The following MME variants were observed in gnomAD, a reference collection of about 807,000 sequenced individuals.
The protein encoded by MME is neprilysin.
MME carries 98 observed loss-of-function variants against 113.2 expected under a neutral mutation model. The observed-to-expected ratio is 0.87, with a 90% CI of 0.74 to 1.02. The LOEUF is 1.02. Ranked by LOEUF, MME falls within the 50% of genes least tolerant of loss-of-function variation. MME has a pLI of 0.00. For synonymous variants in MME, 292 were observed against 300.6 expected, an observed-to-expected ratio of 0.97 and a Z score of 0.30; for missense variants, 836 against 896.0, an observed-to-expected ratio of 0.93 and a Z score of 0.86.
intron 3 of MME, among the ~76,000 whole-genome samples, chr3:155,109,012 C>G (rs187094988): frequency 1.3e-5 from 2 of 152,274 alleles, no homozygotes; most frequent in Admixed American, 1.3e-4. Context: ...TTCACCATGT[C>G]TAATCGTGTC....
chr3:155,168,677 G>A, intron 19 of MME, 52 bp downstream of exon 19: 1 of 1,612,546 alleles, frequency 6.2e-7, no homozygotes, highest in Non-Finnish European at 8.5e-7. Flanking sequence ...AATCTTAAGT[G>A]TATTATTGGT....
intron 1 of MME, among the ~76,000 whole-genome samples, chr3:155,033,223 T>C (rs1287110341): frequency 1.3e-5 from 2 of 152,206 alleles, no homozygotes; most frequent in Non-Finnish European, 2.9e-5. Flanking sequence ...GCTCCAGGGC[T>C]TAACTTCCTC....
intron 8 of MME, among the ~76,000 whole-genome samples, chr3:155,132,854 G>C (rs993091319): frequency 6.6e-6 from 1 of 151,302 alleles, no homozygotes; most frequent in Admixed American, 6.6e-5. Context: ...AGGAGTTCAA[G>C]ACCAGCCTGA....
At chr3:155,137,070 A>G (rs1026096132) in intron 8 of MME, among the ~76,000 whole-genome samples, 1 of 152,232 alleles carries the variant, frequency 6.6e-6, no homozygotes. Context: ...GCATTTATAT[A>G]TTCTGTAAAA....
At chr3:155,106,759 G>T (rs1559920931) in intron 3 of MME, among the ~76,000 whole-genome samples, 1 of 152,182 alleles carries the variant, frequency 6.6e-6, no homozygotes, top group African/African-American at 2.4e-5. Context: ...TTGCCTAGAA[G>T]TAATATCAAG....
chr3:155,172,247 C>A, intron 21 of MME, 35 bp downstream of exon 21: 1 of 1,385,332 alleles, frequency 7.2e-7, no homozygotes, highest in Non-Finnish European at 1.0e-6. Context: ...GATATGAAAA[C>A]CATTTTGAGT....
At chr3:155,175,233 T>A (rs538477347) in intron 22 of MME, among the ~76,000 whole-genome samples, 5 of 152,006 alleles carry the variant, frequency 3.3e-5, no homozygotes, top group African/African-American at 1.2e-4. Flanking sequence ...CCAATTGTGA[T>A]GCTTTTTGAC....
intron 1 of MME, among the ~76,000 whole-genome samples, chr3:155,052,335 G>A (rs1247580008): frequency 1.3e-5 from 2 of 152,206 alleles, no homozygotes; most frequent in African/African-American, 4.8e-5. Flanking sequence ...TTCTGTGGGA[G>A]CTCCAACCCC....
intron 20 of MME, among the ~76,000 whole-genome samples, chr3:155,171,357 A>G (rs192819674): frequency 6.6e-6 from 1 of 152,316 alleles, no homozygotes. Flanking sequence ...AGTGGAAGAA[A>G]TGAAATATAT....
At chr3:155,133,074 T>TAA (rs1720295390) in intron 8 of MME, among the ~76,000 whole-genome samples, 1 of 130,978 alleles carries the variant, frequency 7.6e-6, no homozygotes, top group Non-Finnish European at 1.6e-5. Context: ...TATATATATA[T>TAA]ATATATGTAT....
chr3:155,121,448 A>G (rs1284820857), intron 8 of MME, among the ~76,000 whole-genome samples: 1 of 150,250 alleles, frequency 6.7e-6, no homozygotes, highest in Admixed American at 6.6e-5. Context: ...AACTTCCAAC[A>G]CTATGTTGAA....
At chr3:155,137,995 A>C (rs770466821) in intron 8 of MME, 107 bp from the exon 9 acceptor site, 15 of 1,228,976 alleles carry the variant, frequency 1.2e-5, no homozygotes, top group Non-Finnish European at 1.7e-5. Context: ...TTATTTTACT[A>C]AGGTTATCTA....
intron 16 of MME, 149 bp downstream of exon 16, chr3:155,148,802 A>G (rs1721715812): frequency 7.5e-6 from 5 of 662,804 alleles, no homozygotes; most frequent in South Asian, 3.6e-5. Flanking sequence ...GCATCTAATT[A>G]TGGTATACTA....
At chr3:155,072,745 A>G (rs1158984697) in intron 1 of MME, among the ~76,000 whole-genome samples, 2 of 152,150 alleles carry the variant, frequency 1.3e-5, no homozygotes, top group East Asian at 1.9e-4. Flanking sequence ...AATCTTGCAC[A>G]TATCTGCAGG....
At chr3:155,041,766 A>G (rs1217410569) in intron 1 of MME, among the ~76,000 whole-genome samples, 2 of 152,202 alleles carry the variant, frequency 1.3e-5, no homozygotes, top group African/African-American at 4.8e-5. Flanking sequence ...AATAGAAGAT[A>G]AAGAGCTAGA....
intron 3 of MME, among the ~76,000 whole-genome samples, chr3:155,114,565 G>A (rs868392527): frequency 2.6e-5 from 4 of 152,200 alleles, no homozygotes; most frequent in Non-Finnish European, 2.9e-5. Context: ...CCATGGCTTG[G>A]AGTCTCAGAG....
intron 1 of MME, among the ~76,000 whole-genome samples, chr3:155,027,279 C>T (rs150111566): frequency 2.8e-4 from 42 of 149,320 alleles, no homozygotes; most frequent in East Asian, 1.4e-3. Flanking sequence ...TTCTCTTGTA[C>T]GTAACACTTC....
chr3:155,093,729 G>A (rs570738517), intron 3 of MME, among the ~76,000 whole-genome samples: 12 of 151,860 alleles, frequency 7.9e-5, no homozygotes, highest in Admixed American at 6.6e-4. Flanking sequence ...GGTGGTGGAC[G>A]CCTGTAATTC....
intron 1 of MME, among the ~76,000 whole-genome samples, chr3:155,032,447 C>CA (rs1713001579): frequency 6.6e-6 from 1 of 152,186 alleles, no homozygotes. Flanking sequence ...CTGCAGTCAG[C>CA]AAAATCTCTA....
Sources: gnomAD v4.1 joint callset for allele counts (sites outside exome capture counted in the v4.1 genomes callset) on GRCh38, gnomAD v4.1.1 for gene constraint, MANE v1.5 for transcripts, NCBI Gene and HGNC (gene_info 2026-07-23, HGNC 2026-07-21) for gene names.